The following SEC14L5 variants were observed in gnomAD, a reference collection of about 807,000 sequenced individuals.
The protein encoded by SEC14L5 is SEC14 like lipid binding 5.
A neutral mutation model predicts 84.6 loss-of-function variants in SEC14L5; 96 were observed. That is an observed-to-expected ratio of 1.13 (90% CI 0.96 to 1.34). The LOEUF (loss-of-function observed/expected upper bound fraction) is 1.34. Ranked by LOEUF, SEC14L5 falls within the 40% of genes most tolerant of loss-of-function variation. The pLI is 0.00. For synonymous variants in SEC14L5, 546 were observed against 383.4 expected, an observed-to-expected ratio of 1.42 and a Z score of -4.95; for missense variants, 1,224 against 942.5, an observed-to-expected ratio of 1.30 and a Z score of -3.91.
intron 12 of SEC14L5, 46 bp from the exon 13 acceptor site, chr16:5,007,306 G>A: frequency 6.3e-7 from 1 of 1,595,758 alleles, no homozygotes; most frequent in South Asian, 1.1e-5. Context: ...AGGCCAGCCA[G>A]GCCTCAACTG....
chr16:4,985,937 T>G (rs1012200884), intron 2 of SEC14L5, among the ~76,000 whole-genome samples: 13 of 152,040 alleles, frequency 8.6e-5, no homozygotes, highest in African/African-American at 3.1e-4. Flanking sequence ...AATTTTTTTG[T>G]GTGGACTTAT....
Position 4,996,476 on chromosome 16 carries a change from A to G in SEC14L5, c.780+16A>G, listed in dbSNP as rs531853020. 5.3e-5 allele frequency: 76 copies of G among 1,433,766 alleles called. No homozygotes were observed. The East Asian group carries it at 1.0e-3, about 19-fold the overall frequency. 88.8% of individuals were successfully genotyped at this position (1,433,766 alleles called of 1,614,324 possible). A position where few individuals can be genotyped will look rare whatever the true frequency, so the allele number is the denominator to read the frequency against. ...CAAAGGCAAGGTGGGTGCAGGGGGT[A>G]CCCTGGAGCAGTGGATGAATGGGCA... is the stretch of plus-strand genomic sequence containing the variant. On this transcript the variant is annotated intron_variant, in intron 7 of 15. Transcript: ENST00000251170.
intron 13 of SEC14L5, among the ~76,000 whole-genome samples, chr16:5,007,894 C>G (rs1173043996): frequency 1.4e-5 from 2 of 146,442 alleles, no homozygotes; most frequent in African/African-American, 2.5e-5. Context: ...GCGGGAGCCA[C>G]GGCGCCTGGC....
At chr16:4,973,808 G>A (rs1015381570) in intron 2 of SEC14L5, among the ~76,000 whole-genome samples, 1 of 151,298 alleles carries the variant, frequency 6.6e-6, no homozygotes, top group Non-Finnish European at 1.5e-5. Flanking sequence ...TCAGCCTCCT[G>A]AGTAGCTGGG....
intron 2 of SEC14L5, among the ~76,000 whole-genome samples, chr16:4,962,180 A>AG (rs1349390718): frequency 4.6e-5 from 7 of 151,504 alleles, no homozygotes; most frequent in Non-Finnish European, 1.0e-4. Flanking sequence ...AAAAAAAAAA[A>AG]AAGAAAAAGA....
At chr16:4,959,541 C>T (rs1364658540) in intron 2 of SEC14L5, among the ~76,000 whole-genome samples, 155 bp downstream of exon 2, 1 of 152,132 alleles carries the variant, frequency 6.6e-6, no homozygotes, top group Non-Finnish European at 1.5e-5. Context: ...TATCCAGTGA[C>T]CTCTCTGTCC....
intron 4 of SEC14L5, among the ~76,000 whole-genome samples, chr16:4,990,354 A>C (rs960387228): frequency 6.6e-6 from 1 of 152,020 alleles, no homozygotes; most frequent in African/African-American, 2.4e-5. Context: ...GTAGAGATGG[A>C]GTTTCACCAT....
At position 5,005,959 on chromosome 16, in the gene SEC14L5, T is replaced by C; in HGVS notation, c.1348T>C (p.Tyr450His). Residue 450 changes from tyrosine (Y) to histidine (H), a missense_variant, in exon 12 of 16, where the codon TAC (tyrosine) becomes CAC (histidine). Transcript: ENST00000251170. Reference sequence around the variant, plus strand: ...GAACACCAGGCGGAAGTTCCTCATCTACAGTGGCAGCAACTACCAGGGACC... The same window carrying C: ...GAACACCAGGCGGAAGTTCCTCATCCACAGTGGCAGCAACTACCAGGGACC... Reference protein sequence around the residue: ...NENTRRKFLIYSGSNYQGPGG... With the variant: ...NENTRRKFLIHSGSNYQGPGG... 1 of 1,610,656 alleles carries C rather than the reference T, an allele frequency of 6.2e-7. No homozygotes were observed.
chr16:4,977,335 T>C (rs1320675504), intron 2 of SEC14L5, among the ~76,000 whole-genome samples: 1 of 145,630 alleles, frequency 6.9e-6, no homozygotes, highest in East Asian at 2.0e-4. Context: ...TAATCCCAGG[T>C]ACTTGGGAGG....
At chr16:4,972,773 T>C (rs1006770355) in intron 2 of SEC14L5, among the ~76,000 whole-genome samples, 4 of 152,224 alleles carry the variant, frequency 2.6e-5, no homozygotes, top group Non-Finnish European at 5.9e-5. Flanking sequence ...CTTTTGATCA[T>C]TGTGTAAATG....
chr16:4,995,444 G>T (rs923840239), intron 6 of SEC14L5, among the ~76,000 whole-genome samples: 3 of 152,164 alleles, frequency 2.0e-5, no homozygotes, highest in Non-Finnish European at 4.4e-5. Flanking sequence ...GTGTTGCAAG[G>T]TCCAGGCTCT....
Position 4,972,496 on chromosome 16 carries a change from C to T in SEC14L5, c.63+13110C>T, listed in dbSNP as rs989573526. Among the ~76,000 whole-genome samples the T allele has an allele frequency of 3.3e-5, 5 of 152,320 alleles. No individual in the cohort carries two copies. The East Asian group carries it at 9.6e-4, about 29-fold the overall frequency. ...TGAAACACTAACTCTCCACTCCCTGCTCCCCACTGCTGCTATTAACCACTA... is the reference window on the plus strand; with the variant it reads ...TGAAACACTAACTCTCCACTCCCTGTTCCCCACTGCTGCTATTAACCACTA... On this transcript the variant is annotated intron_variant, in intron 2 of 15. Coordinates refer to ENST00000251170, the MANE Select transcript of SEC14L5 (RefSeq NM_014692.2).
chr16:5,008,485 A>T lies in SEC14L5; in HGVS notation c.1637A>T (p.Asp546Val). 1.2e-6 allele frequency: 2 copies of T among 1,613,530 alleles called. No individual in the cohort carries two copies. The highest frequency in any genetic ancestry group is 1.7e-6 in the Non-Finnish European group (2 of 1,179,758). ...TGGGACTTTGACATCCTGCGAGGGG[A>T]CGTGGTGTTCAGCCTGTACCACACC... ...ITWDFDILRGDVVFSLYHTKQ... is the reference protein window; with the variant it reads ...ITWDFDILRGVVVFSLYHTKQ... Residue 546 changes from aspartate (D) to valine (V), a missense_variant, in exon 14 of 16, where the codon GAC becomes GTC. Asp to Val is a radical substitution (Grantham distance 152). Transcript: ENST00000251170.
At chr16:5,005,467 A>G (rs1229581337) in intron 11 of SEC14L5, among the ~76,000 whole-genome samples, 1 of 152,110 alleles carries the variant, frequency 6.6e-6, no homozygotes, top group Admixed American at 6.6e-5. Context: ...ATGTCTAGGT[A>G]GAGGTGCTGG....
chr16:4,963,486 C>G (rs1415461174), intron 2 of SEC14L5, among the ~76,000 whole-genome samples: 1 of 152,188 alleles, frequency 6.6e-6, no homozygotes, highest in Non-Finnish European at 1.5e-5. Flanking sequence ...GCTGAGATTA[C>G]AGGCATGTGC....
chr16:4,990,624 C>G, intron 4 of SEC14L5, 143 bp from the exon 5 acceptor site: 1 of 696,888 alleles, frequency 1.4e-6, no homozygotes, highest in Non-Finnish European at 2.2e-6. Context: ...GCCCCTTGGT[C>G]CTGCTACCCC....
intron 2 of SEC14L5, among the ~76,000 whole-genome samples, chr16:4,987,114 C>G (rs757989048): frequency 5.3e-5 from 8 of 152,078 alleles, no homozygotes; most frequent in Non-Finnish European, 7.3e-5. Flanking sequence ...GGGGAAAGCA[C>G]TCATTCACCA....
intron 2 of SEC14L5, among the ~76,000 whole-genome samples, chr16:4,964,509 C>T (rs1596611618): frequency 6.6e-6 from 1 of 151,986 alleles, no homozygotes; most frequent in African/African-American, 2.4e-5. Flanking sequence ...TCGCTTGAAC[C>T]TGGGAGACAG....
At chr16:4,989,637 G>A (rs150731650) in intron 4 of SEC14L5, among the ~76,000 whole-genome samples, 192 of 152,252 alleles carry the variant, frequency 1.3e-3, no homozygotes, top group African/African-American at 4.4e-3. Context: ...ATGAGCCACC[G>A]TACCCGGCTC....
Sources: gnomAD v4.1 joint callset for allele counts (sites outside exome capture counted in the v4.1 genomes callset) on GRCh38, gnomAD v4.1.1 for gene constraint, MANE v1.5 for transcripts, NCBI Gene and HGNC (gene_info 2026-07-23, HGNC 2026-07-21) for gene names.